Variants in ROBO2 observed in about 807,000 individuals in gnomAD.
ROBO2 encodes the protein roundabout homolog 2.
In ROBO2, 53 loss-of-function variants were observed where a neutral mutation model predicts 160.8. The ratio of observed to expected loss-of-function variants is 0.33; its 90% CI spans 0.26 to 0.41. ROBO2 has a LOEUF of 0.41. Ranked by LOEUF, ROBO2 falls within the 10% of genes least tolerant of loss-of-function variation. The pLI is 1.00. For synonymous variants in ROBO2, 664 were observed against 611.7 expected, an observed-to-expected ratio of 1.09 and a Z score of -1.26; for missense variants, 1,577 against 1,722.4, an observed-to-expected ratio of 0.92 and a Z score of 1.49.
intron 2 of ROBO2, among the ~76,000 whole-genome samples, chr3:76,003,785 CG>C (rs2065950429): frequency 1.3e-5 from 2 of 152,160 alleles, no homozygotes; most frequent in South Asian, 4.1e-4. Context: ...TAATCCCTCA[CG>C]GAGAACGTGG....
chr3:76,560,546 A>C (rs1329826723), intron 2 of ROBO2, among the ~76,000 whole-genome samples: 1 of 150,900 alleles, frequency 6.6e-6, no homozygotes, highest in African/African-American at 2.4e-5. Context: ...ATTATTTATT[A>C]TTATCATCAT....
At chr3:77,390,454 A>G (rs1454238785) in intron 2 of ROBO2, among the ~76,000 whole-genome samples, 1 of 152,018 alleles carries the variant, frequency 6.6e-6, no homozygotes, top group Admixed American at 6.6e-5. Context: ...TGCTCTTGTG[A>G]TAGTGAATAA....
At chr3:77,151,955 C>T (rs2077580338) in intron 2 of ROBO2, among the ~76,000 whole-genome samples, 1 of 152,110 alleles carries the variant, frequency 6.6e-6, no homozygotes, top group South Asian at 2.1e-4. Flanking sequence ...TTGCAAATTT[C>T]TAGTACACAC....
intron 2 of ROBO2, among the ~76,000 whole-genome samples, chr3:76,083,838 C>G (rs980935607): frequency 6.6e-6 from 1 of 152,106 alleles, no homozygotes; most frequent in African/African-American, 2.4e-5. Context: ...CTAAATTGGT[C>G]ACCAAAATTC....
intron 2 of ROBO2, among the ~76,000 whole-genome samples, chr3:76,946,702 T>C (rs1326791973): frequency 6.6e-6 from 1 of 152,154 alleles, no homozygotes; most frequent in Non-Finnish European, 1.5e-5. Context: ...CCTCCGAAGA[T>C]GTTGGGATTA....
chr3:76,070,344 G>A (rs547643217), intron 2 of ROBO2, among the ~76,000 whole-genome samples: 46 of 152,228 alleles, frequency 3.0e-4, no homozygotes, highest in Non-Finnish European at 4.9e-4. Context: ...CCCGCTGGGC[G>A]TGGTCATCTC....
At chr3:76,501,046 T>G (rs1366285116) in intron 2 of ROBO2, among the ~76,000 whole-genome samples, 1 of 152,108 alleles carries the variant, frequency 6.6e-6, no homozygotes, top group Non-Finnish European at 1.5e-5. Context: ...CTGCAAAATA[T>G]CAGAAAAGCT....
At chr3:77,075,829 C>G (rs1331701456) in intron 1 of ROBO2, among the ~76,000 whole-genome samples, 5 of 151,592 alleles carry the variant, frequency 3.3e-5, no homozygotes, top group African/African-American at 1.2e-4. Flanking sequence ...AGGTGCCCAC[C>G]ACCATGCCCG....
chr3:76,453,556 A>G (rs926474711), intron 2 of ROBO2, among the ~76,000 whole-genome samples: 5 of 152,192 alleles, frequency 3.3e-5, no homozygotes, highest in African/African-American at 1.2e-4. Flanking sequence ...TGGTACCAGT[A>G]CCATGCTGTT....
chr3:76,025,679 T>G (rs1455493764), intron 2 of ROBO2, among the ~76,000 whole-genome samples: 1 of 151,746 alleles, frequency 6.6e-6, no homozygotes, highest in East Asian at 1.9e-4. Flanking sequence ...ATCACATTGT[T>G]GTAAAGAAAG....
At chr3:76,369,877 C>G (rs755849061) in intron 2 of ROBO2, among the ~76,000 whole-genome samples, 3 of 151,912 alleles carry the variant, frequency 2.0e-5, no homozygotes, top group Non-Finnish European at 2.9e-5. Flanking sequence ...GTTTCTCTAC[C>G]TAGACTTGTG....
intron 2 of ROBO2, among the ~76,000 whole-genome samples, chr3:77,467,587 G>GTATCTATCTATC (rs59640984): frequency 1.1e-3 from 157 of 148,250 alleles, no homozygotes; most frequent in East Asian, 2.2e-3. Flanking sequence ...CTATCTGTCT[G>GTATCTATCTATC]TATCTATCTA....
chr3:77,481,716 G>A (rs1005228990), intron 4 of ROBO2, among the ~76,000 whole-genome samples: 11 of 152,036 alleles, frequency 7.2e-5, no homozygotes, highest in Non-Finnish European at 1.5e-4. Context: ...TCAGAAAATG[G>A]ACCCCTAAAA....
At chr3:76,564,411 A>G (rs962852821) in intron 2 of ROBO2, among the ~76,000 whole-genome samples, 2 of 152,214 alleles carry the variant, frequency 1.3e-5, no homozygotes, top group African/African-American at 4.8e-5. Flanking sequence ...CCACTTATAC[A>G]TATTTGATTA....
chr3:77,471,889 G>A (rs931222001), intron 2 of ROBO2, among the ~76,000 whole-genome samples: 5 of 152,058 alleles, frequency 3.3e-5, no homozygotes, highest in South Asian at 2.1e-4. Flanking sequence ...CTCTGGGTGC[G>A]GTGTCAACTC....
Position 76,313,380 on chromosome 3 carries a change from G to GT in ROBO2, c.109+375785dup, listed in dbSNP as rs1204638895. 4.6e-5 allele frequency among the ~76,000 whole-genome samples: 7 copies of GT among 152,136 alleles called. No individual in the cohort carries two copies. The East Asian group carries it at 9.7e-4, about 21-fold the overall frequency. Reference sequence around the variant, plus strand: ...TTCAGTGGGTTGTAAAATTCTGTTCGTTTTTTTCTTGGCATGCTATGCAGT... The same window carrying GT: ...TTCAGTGGGTTGTAAAATTCTGTTCGTTTTTTTTCTTGGCATGCTATGCAGT... On this transcript the variant is annotated intron_variant, in intron 2 of 26. Transcript: ENST00000487694.
At chr3:76,804,359 C>T (rs1045388769) in intron 2 of ROBO2, among the ~76,000 whole-genome samples, 4 of 152,156 alleles carry the variant, frequency 2.6e-5, no homozygotes, top group South Asian at 2.1e-4. Context: ...CAAAACCTTT[C>T]GGCAGAATTG....
At chr3:77,175,393 A>C (rs60137936) in intron 2 of ROBO2, among the ~76,000 whole-genome samples, 11,547 of 152,086 alleles carry the variant, frequency 0.076, 480 homozygotes, top group African/African-American at 0.11. Context: ...AAATAGGAAC[A>C]GAAATGTAGA....
intron 2 of ROBO2, among the ~76,000 whole-genome samples, chr3:76,124,146 T>C (rs1307233547): frequency 3.3e-5 from 5 of 152,130 alleles, no homozygotes; most frequent in African/African-American, 1.2e-4. Context: ...GTTACTATTC[T>C]TGAATTACAA....
Sources: allele counts gnomAD v4.1 joint callset (sites outside exome capture counted in the v4.1 genomes callset), GRCh38; gene constraint gnomAD v4.1.1; transcripts MANE v1.5; gene names NCBI Gene and HGNC (gene_info 2026-07-23, HGNC 2026-07-21).